SLC44A1: variants seen among roughly 807,000 people sequenced by gnomAD.
SLC44A1 encodes the protein solute carrier family 44 member 1, also known as choline transporter-like protein 1.
In SLC44A1, 26 loss-of-function variants were observed where a neutral mutation model predicts 79.3. The observed-to-expected ratio is 0.33, with a 90% CI of 0.24 to 0.46. The LOEUF (loss-of-function observed/expected upper bound fraction) is 0.46, where lower values mean the gene tolerates loss of function less well. Among genes scored for constraint, SLC44A1 ranks in the 20% least tolerant of loss-of-function variants. The pLI, the probability that SLC44A1 is intolerant of heterozygous loss-of-function variation, is 1.00. For synonymous variants in SLC44A1, 263 were observed against 286.2 expected (o/e 0.92, Z 0.82); for missense variants, 688 against 798.1 (o/e 0.86, Z 1.66).
At chr9:105,416,946 C>A (rs974011747) in intron 15 of SLC44A1, among the ~76,000 whole-genome samples, 1 of 152,212 alleles carries the variant, frequency 6.6e-6, no homozygotes, top group African/African-American at 2.4e-5. Context: ...AGATTAAACA[C>A]AAAAAGTCCC....
chr9:105,254,065 A>T (rs575139108), intron 1 of SLC44A1, among the ~76,000 whole-genome samples: 30 of 152,180 alleles, frequency 2.0e-4, no homozygotes, highest in Non-Finnish European at 3.8e-4. Context: ...ATAATAATAA[A>T]AAAAACCCTT....
chr9:105,320,540 G>A (rs115764607), intron 3 of SLC44A1, among the ~76,000 whole-genome samples: 1,925 of 151,998 alleles, frequency 0.013, 34 homozygotes, highest in African/African-American at 0.044. Flanking sequence ...CTAACATTTT[G>A]TATTATGAGA....
intron 5 of SLC44A1, among the ~76,000 whole-genome samples, chr9:105,348,925 C>G (rs1827321417): frequency 1.3e-5 from 2 of 152,000 alleles, no homozygotes; most frequent in Non-Finnish European, 2.9e-5. Flanking sequence ...AGGTAACATT[C>G]TCTGTATTAG....
intron 15 of SLC44A1, among the ~76,000 whole-genome samples, chr9:105,433,961 A>G (rs1169276424): frequency 1.3e-5 from 2 of 152,246 alleles, no homozygotes; most frequent in East Asian, 1.9e-4. Flanking sequence ...ACAACAAAGC[A>G]ACTTAGAGGA....
At chr9:105,432,748 T>C (rs1829412943) in intron 15 of SLC44A1, among the ~76,000 whole-genome samples, 1 of 152,344 alleles carries the variant, frequency 6.6e-6, no homozygotes, top group Middle Eastern at 3.4e-3. Context: ...TCAGTGCAAG[T>C]ACTATTGCAG....
intron 3 of SLC44A1, among the ~76,000 whole-genome samples, chr9:105,330,665 G>A (rs1311361665): frequency 3.9e-5 from 6 of 152,012 alleles, no homozygotes; most frequent in African/African-American, 9.7e-5. Flanking sequence ...TGTCCTCCTC[G>A]TTCACCTTGT....
At chr9:105,332,582 TCA>T (rs1249942517) in intron 3 of SLC44A1, among the ~76,000 whole-genome samples, 3 of 152,206 alleles carry the variant, frequency 2.0e-5, no homozygotes, top group Non-Finnish European at 2.9e-5. Context: ...AGTGTTAATT[TCA>T]CAGTGTTGTA....
Position 105,391,108 on chromosome 9 carries a change from A to G in SLC44A1, c.*2052A>G. On this transcript the variant is annotated 3_prime_UTR_variant, in exon 16 of 16. Coordinates refer to ENST00000374720, the MANE Select transcript of SLC44A1 (RefSeq NM_080546.5). ...TCTAGAAGATGGGTATCAAAACAGA[A>G]GACATTCCAGGAGCTAGCAATTTTA... is the stretch of plus-strand genomic sequence containing the variant. 1.0e-6 allele frequency: 1 copy of G among 985,802 alleles called. No homozygotes were observed. Among genetic ancestry groups the G allele is most frequent in the Non-Finnish European group, 1.2e-6 (1 of 829,904 alleles). 61.1% of individuals were successfully genotyped at this position (985,802 alleles called of 1,614,324 possible).
rs182293894 is a variant in SLC44A1, at chr9:105,295,752, G to A, written c.37-3468G>A. ...ATAGGCTTTGGAGTCACAGACTTGG[G>A]GCGGGGAGTGGGGGGGAGGGCGCCA... On this transcript the variant is annotated intron_variant, in intron 1 of 15. Transcript: ENST00000374720. 2.4e-3 allele frequency among the ~76,000 whole-genome samples: 359 copies of A among 152,250 alleles called. 1 individual carries two copies. The highest frequency in any genetic ancestry group is 8.1e-3 in the African/African-American group (336 of 41,540).
intron 1 of SLC44A1, among the ~76,000 whole-genome samples, chr9:105,272,704 T>G (rs1830105477): frequency 6.6e-6 from 1 of 152,100 alleles, no homozygotes; most frequent in African/African-American, 2.4e-5. Context: ...TTTCCTCTAT[T>G]TTTTAGGTAT....
intron 15 of SLC44A1, among the ~76,000 whole-genome samples, chr9:105,413,162 G>A (rs944029371): frequency 1.3e-5 from 2 of 152,192 alleles, no homozygotes; most frequent in South Asian, 2.1e-4. Context: ...ATTAACATAT[G>A]TTAATCACCT....
intron 1 of SLC44A1, among the ~76,000 whole-genome samples, chr9:105,257,442 G>T (rs1446584871): frequency 6.6e-6 from 1 of 152,034 alleles, no homozygotes; most frequent in East Asian, 1.9e-4. Context: ...TGTTGCCCAG[G>T]CTGGCCTCAA....
At chr9:105,264,096 A>G (rs1235911309) in intron 1 of SLC44A1, among the ~76,000 whole-genome samples, 3 of 152,026 alleles carry the variant, frequency 2.0e-5, no homozygotes, top group Non-Finnish European at 4.4e-5. Flanking sequence ...CTGTGCACCT[A>G]CTTCGGGTTG....
rs1830866780 is a variant in SLC44A1, at chr9:105,301,100, C to T, written c.126+1791C>T. Among the ~76,000 whole-genome samples, 4 of 152,262 alleles carry T rather than the reference C, an allele frequency of 2.6e-5. No homozygotes were observed. The South Asian group carries it at 8.3e-4, about 32-fold the overall frequency. On this transcript the variant is annotated intron_variant, in intron 2 of 15. Coordinates refer to ENST00000374720, the MANE Select transcript of SLC44A1 (RefSeq NM_080546.5). ...AAGATTCTTTGATAACAGAATTAGTCCACAGCCTTTCCCCACTCCCTGAAT... is the reference window on the plus strand; with the variant it reads ...AAGATTCTTTGATAACAGAATTAGTTCACAGCCTTTCCCCACTCCCTGAAT...
chr9:105,296,893 G>A (rs1420322006), intron 1 of SLC44A1, among the ~76,000 whole-genome samples: 1 of 152,104 alleles, frequency 6.6e-6, no homozygotes, highest in Non-Finnish European at 1.5e-5. Context: ...ATAGATTTTA[G>A]AGTTGGAAGG....
chr9:105,345,893 C>G (rs2131376763), intron 4 of SLC44A1, among the ~76,000 whole-genome samples: 1 of 151,376 alleles, frequency 6.6e-6, no homozygotes, highest in South Asian at 2.1e-4. Context: ...CTTTTCATTA[C>G]TCATGTATAA....
chr9:105,268,506 T>G (rs1369367901), intron 1 of SLC44A1, among the ~76,000 whole-genome samples: 1 of 151,624 alleles, frequency 6.6e-6, no homozygotes, highest in Non-Finnish European at 1.5e-5. Context: ...ATTTTAACGA[T>G]CTTCTTTTTT....
intron 2 of SLC44A1, among the ~76,000 whole-genome samples, chr9:105,304,385 TAA>T (rs1478164808): frequency 6.6e-6 from 1 of 152,228 alleles, no homozygotes; most frequent in African/African-American, 2.4e-5. Flanking sequence ...TACTTTCTAT[TAA>T]GTCTGTTTCC....
Position 105,276,565 on chromosome 9 carries a change from C to CGTGTGTGTGTGTGTGTGTGT in SLC44A1, c.37-22620_37-22601dup, listed in dbSNP as rs60259632. Among the ~76,000 whole-genome samples, 100 of 118,994 alleles carry CGTGTGTGTGTGTGTGTGTGT rather than the reference C, an allele frequency of 8.4e-4. 2 individuals are homozygous for CGTGTGTGTGTGTGTGTGTGT. Among genetic ancestry groups the CGTGTGTGTGTGTGTGTGTGT allele is most frequent in the East Asian group, 2.8e-3 (10 of 3,532 alleles). The allele number at this position is 118,994 out of a possible 152,430, so 78.1% of individuals were successfully genotyped here. On this transcript the variant is annotated intron_variant, in intron 1 of 15. Coordinates refer to ENST00000374720, the MANE Select transcript of SLC44A1 (RefSeq NM_080546.5). ...AAGTTAGGAAACGGGGATGGGGAGC[C>CGTGTGTGTGTGTGTGTGTGT]GTGTGTGTGTGTGTGTGTGTGTGTG...
Sources: allele counts gnomAD v4.1 joint callset (sites outside exome capture counted in the v4.1 genomes callset), GRCh38; gene constraint gnomAD v4.1.1; transcripts MANE v1.5; gene names NCBI Gene and HGNC (gene_info 2026-07-23, HGNC 2026-07-21).